ZPLD1: variants seen among roughly 807,000 people sequenced by gnomAD.
ZPLD1 encodes zona pellucida-like domain-containing protein 1.
ZPLD1 carries 34 observed loss-of-function variants against 47.2 expected under a neutral mutation model. The ratio of observed to expected loss-of-function variants is 0.72; its 90% CI spans 0.55 to 0.96. ZPLD1 has a LOEUF of 0.96. ZPLD1 is among the 40% of genes least tolerant of loss of function. The pLI, the probability that ZPLD1 is intolerant of heterozygous loss-of-function variation, is 0.00. For missense variants in ZPLD1, 512 were observed against 505.8 expected (o/e 1.01, Z -0.12); for synonymous variants, 176 against 186.2 (o/e 0.95, Z 0.45).
chr3:102,431,302 C>T (rs116313037), upstream of ZPLD1, among the ~76,000 whole-genome samples: 941 of 152,242 alleles, frequency 6.2e-3, 15 homozygotes, highest in African/African-American at 0.022. Flanking sequence ...ATCTTAAGAG[C>T]CATAAAATTT....
At chr3:102,431,309 A>T (rs187171303), upstream of ZPLD1, among the ~76,000 whole-genome samples, 25 of 152,250 alleles carry the variant, frequency 1.6e-4, no homozygotes, top group East Asian at 4.8e-3. Flanking sequence ...GAGCCATAAA[A>T]TTTCTGAATG....
rs1707363747 is a variant in ZPLD1, at chr3:102,453,102, A to G, written c.290A>G (p.Asn97Ser). 12 of 1,614,054 alleles carry G rather than the reference A, an allele frequency of 7.4e-6. No homozygotes were observed. The highest frequency in any genetic ancestry group is 8.5e-6 in the Non-Finnish European group (10 of 1,179,970). The change falls in exon 4 of 12, where the codon AAT becomes AGT. Residue 97 changes from asparagine to serine, a missense_variant. Coordinates refer to ENST00000466937, the MANE Select transcript of ZPLD1 (RefSeq NM_001329788.2). ...TFPAVVIFII[N>S]LSTLEGCGNN... The stretch of plus-strand genomic sequence containing the variant: ...CCAGCAGTGGTCATTTTTATCATCA[A>G]TCTCAGCACCTTGGAGGGCTGTGGA...
At chr3:102,439,342 C>A (rs189441867) in intron 3 of ZPLD1, among the ~76,000 whole-genome samples, 13 of 152,320 alleles carry the variant, frequency 8.5e-5, no homozygotes, top group Middle Eastern at 3.4e-3. Context: ...TGCTATGAAA[C>A]AGCAAACCTG....
At chr3:102,391,238 A>G (rs1188803662) in intron 6 of ZPLD1, among the ~76,000 whole-genome samples, 1 of 152,212 alleles carries the variant, frequency 6.6e-6, no homozygotes, top group Non-Finnish European at 1.5e-5. Context: ...CTCTAAGGCT[A>G]AACTATAAAA....
At chr3:102,396,348 G>C (rs1380676156) in intron 7 of ZPLD1, among the ~76,000 whole-genome samples, 1 of 152,080 alleles carries the variant, frequency 6.6e-6, no homozygotes, top group East Asian at 1.9e-4. Context: ...TGACAATTGG[G>C]TATTCATATT....
upstream of ZPLD1, among the ~76,000 whole-genome samples, chr3:102,430,514 A>G (rs1707003766): frequency 6.6e-6 from 1 of 152,192 alleles, no homozygotes; most frequent in Non-Finnish European, 1.5e-5. Context: ...CAAGACCTTG[A>G]GTCCAATGCT....
At chr3:102,421,683 C>CT (rs1251139984) in intron 8 of ZPLD1, among the ~76,000 whole-genome samples, 2 of 151,676 alleles carry the variant, frequency 1.3e-5, no homozygotes, top group African/African-American at 2.4e-5. Context: ...TATTGTTTTG[C>CT]TTTTTTTAGT....
At chr3:102,412,717 A>G (rs1286115806) in intron 7 of ZPLD1, among the ~76,000 whole-genome samples, 1 of 151,740 alleles carries the variant, frequency 6.6e-6, no homozygotes, top group Non-Finnish European at 1.5e-5. Flanking sequence ...CAAAGATAAA[A>G]TGGACTACCC....
At chr3:102,408,732 T>C (rs1706719031) in intron 7 of ZPLD1, among the ~76,000 whole-genome samples, 1 of 151,886 alleles carries the variant, frequency 6.6e-6, no homozygotes, top group East Asian at 1.9e-4. Flanking sequence ...GTTCATATCT[T>C]AGTCAATGGT....
intron 4 of ZPLD1, among the ~76,000 whole-genome samples, chr3:102,454,355 G>A (rs1463771136): frequency 6.6e-6 from 1 of 152,112 alleles, no homozygotes; most frequent in African/African-American, 2.4e-5. Flanking sequence ...ATTATTACAA[G>A]TCCCTGTTCT....
chr3:102,456,311 T>C lies in ZPLD1; in HGVS notation c.446T>C (p.Leu149Pro). Residue 149 changes from leucine to proline, a missense_variant, in exon 5 of 12, where the codon CTT (leucine) becomes CCT (proline). Transcript: ENST00000466937. ...PPTIISYLPG[L>P]LYKFSCSYPL... ...ACAATCATCAGCTATCTACCTGGGCTTCTTTACAAATTTAGTTGTAGTTAT... is the reference window on the plus strand; with the variant it reads ...ACAATCATCAGCTATCTACCTGGGCCTCTTTACAAATTTAGTTGTAGTTAT... The C allele has an allele frequency of 6.2e-7, 1 of 1,613,848 alleles. No homozygotes were observed. The highest frequency in any genetic ancestry group is 8.5e-7 in the Non-Finnish European group (1 of 1,179,838).
intron 6 of ZPLD1, among the ~76,000 whole-genome samples, chr3:102,386,225 G>T (rs896100261): frequency 6.6e-6 from 1 of 151,394 alleles, no homozygotes; most frequent in East Asian, 1.9e-4. Context: ...GATTCACCTG[G>T]ATACTTTTAA....
chr3:102,425,373 G>T (rs1022609134), intron 8 of ZPLD1, among the ~76,000 whole-genome samples: 1 of 151,982 alleles, frequency 6.6e-6, no homozygotes, highest in African/African-American at 2.4e-5. Flanking sequence ...GAAAAGGTGG[G>T]GGTCTTCATG....
At chr3:102,455,196 C>T in intron 4 of ZPLD1, among the ~76,000 whole-genome samples, 1 of 152,194 alleles carries the variant, frequency 6.6e-6, no homozygotes, top group East Asian at 1.9e-4. Context: ...TGAAAATTAT[C>T]ACAGGTCTTA....
chr3:102,395,144 C>T (rs977113834), intron 7 of ZPLD1, among the ~76,000 whole-genome samples: 9 of 152,060 alleles, frequency 5.9e-5, no homozygotes, highest in Admixed American at 6.6e-5. Context: ...AATCTCCCTA[C>T]CCCAATTTAC....
intron 7 of ZPLD1, among the ~76,000 whole-genome samples, chr3:102,396,246 T>C (rs10048914): frequency 0.44 from 66,916 of 151,992 alleles, 15,850 homozygotes; most frequent in African/African-American, 0.59. Flanking sequence ...TCTATATCTT[T>C]TGCCTCTAAT....
At chr3:102,456,730 G>A (rs939962508) in intron 5 of ZPLD1, among the ~76,000 whole-genome samples, 1 of 152,128 alleles carries the variant, frequency 6.6e-6, no homozygotes, top group Non-Finnish European at 1.5e-5. Context: ...GGCCCTGGAG[G>A]CCCTGTGGCG....
At chr3:102,420,360 G>A (rs1706862246) in intron 8 of ZPLD1, among the ~76,000 whole-genome samples, 1 of 151,774 alleles carries the variant, frequency 6.6e-6, no homozygotes, top group African/African-American at 2.4e-5. Flanking sequence ...ATGTTTTGTG[G>A]TTTATAGTCA....
At chr3:102,458,240 T>C (rs1311117371) in intron 6 of ZPLD1, among the ~76,000 whole-genome samples, 2 of 152,188 alleles carry the variant, frequency 1.3e-5, no homozygotes, top group East Asian at 3.8e-4. Flanking sequence ...GTACAAATGG[T>C]GTTTCCCTTG....
Sources: gnomAD v4.1 joint callset for allele counts (sites outside exome capture counted in the v4.1 genomes callset) on GRCh38, gnomAD v4.1.1 for gene constraint, MANE v1.5 for transcripts, NCBI Gene and HGNC (gene_info 2026-07-23, HGNC 2026-07-21) for gene names.